PRR5: variants seen among roughly 807,000 people sequenced by gnomAD.
The protein encoded by PRR5 is proline-rich protein 5.
In PRR5, 25 loss-of-function variants were observed where a neutral mutation model predicts 30.6. The observed-to-expected ratio is 0.82, with a 90% CI of 0.60 to 1.14. The LOEUF (loss-of-function observed/expected upper bound fraction) is 1.14, where lower values mean the gene tolerates loss of function less well. Ranked by LOEUF, PRR5 falls within the 50% of genes most tolerant of loss-of-function variation. The pLI, the probability that PRR5 is intolerant of heterozygous loss-of-function variation, is 0.00. For missense variants in PRR5, 600 were observed against 547.1 expected (o/e 1.10, Z -0.96); for synonymous variants, 286 against 247.1 (o/e 1.16, Z -1.48).
At chr22:44,732,174 G>A (rs1282288933) in intron 5 of PRR5, 77 bp from the exon 6 acceptor site, 13 of 1,574,356 alleles carry the variant, frequency 8.3e-6, no homozygotes, top group Non-Finnish European at 1.7e-6. Flanking sequence ...TCCCCCTGTG[G>A]GGTCCCAGGA....
chr22:44,680,868 A>AAC (rs1924214386), intron 1 of PRR5, among the ~76,000 whole-genome samples: 1 of 152,102 alleles, frequency 6.6e-6, no homozygotes, highest in African/African-American at 2.4e-5. Context: ...GGGATTTGAG[A>AAC]ACCTGGGGCA....
upstream of PRR5, among the ~76,000 whole-genome samples, chr22:44,675,918 C>T (rs1923727739): frequency 6.6e-6 from 1 of 151,874 alleles, no homozygotes; most frequent in South Asian, 2.1e-4. Flanking sequence ...TCCTGATGTT[C>T]GGTTTCCCCC....
intron 1 of PRR5, among the ~76,000 whole-genome samples, chr22:44,711,270 A>G (rs1325228466): frequency 6.6e-6 from 1 of 152,278 alleles, no homozygotes; most frequent in South Asian, 2.1e-4. Flanking sequence ...CCCCAAAAAG[A>G]AGTAGCTAGC....
chr22:44,732,515 A>C (rs1368430652), intron 6 of PRR5, 124 bp downstream of exon 6: 4 of 1,396,800 alleles, frequency 2.9e-6, no homozygotes, highest in Non-Finnish European at 3.8e-6. Flanking sequence ...GCCCGATCAG[A>C]GGAGAAGCCT....
chr22:44,692,751 C>T (rs936979878), intron 1 of PRR5, among the ~76,000 whole-genome samples: 8 of 152,234 alleles, frequency 5.3e-5, no homozygotes, highest in African/African-American at 1.7e-4. Context: ...GAGTCCGTCC[C>T]GCTCTGCCGC....
At chr22:44,693,457 T>G (rs1925459234) in intron 1 of PRR5, among the ~76,000 whole-genome samples, 1 of 136,410 alleles carries the variant, frequency 7.3e-6, no homozygotes, top group Admixed American at 7.1e-5. Flanking sequence ...AGACCCTGTC[T>G]CAAAAAAAAA....
At chr22:44,689,981 G>A (rs1449339349) in intron 1 of PRR5, among the ~76,000 whole-genome samples, 3 of 152,194 alleles carry the variant, frequency 2.0e-5, no homozygotes, top group Non-Finnish European at 4.4e-5. Context: ...AAGGGAACAG[G>A]AGAAGGCACT....
chr22:44,707,633 G>A (rs1165231831), intron 1 of PRR5, among the ~76,000 whole-genome samples: 2 of 152,206 alleles, frequency 1.3e-5, no homozygotes, highest in Non-Finnish European at 2.9e-5. Flanking sequence ...AATGCCATGA[G>A]GGCACGTGGG....
chr22:44,730,050 G>A, intron 4 of PRR5: 1 of 985,460 alleles, frequency 1.0e-6, no homozygotes, highest in Non-Finnish European at 1.2e-6. Context: ...CTGGCCACTG[G>A]GCTGGGAGCC....
At chr22:44,672,030 G>C (rs1014570841) in intron 1 of PRR5, among the ~76,000 whole-genome samples, 15 of 152,330 alleles carry the variant, frequency 9.8e-5, no homozygotes, top group Admixed American at 7.2e-4. Context: ...GTAGTGTCGT[G>C]ATCCTGTGAT....
chr22:44,704,209 C>T (rs1016143701), intron 1 of PRR5, among the ~76,000 whole-genome samples: 5 of 152,216 alleles, frequency 3.3e-5, no homozygotes, highest in Non-Finnish European at 5.9e-5. Flanking sequence ...GGACCAGTGT[C>T]GGGGTGTCCC....
In PRR5 at chr22:44,732,346, T is replaced by C. The variant is rs1366366759; in HGVS notation, c.510T>C (p.His170=). The change falls in exon 6 of 8, where the codon CAT becomes CAC. Residue 170 remains histidine, a synonymous_variant. Coordinates refer to ENST00000336985, the MANE Select transcript of PRR5 (RefSeq NM_181333.4). ...VKLEDALARA[H]ARVPPAIVQM... is the part of the protein sequence containing the mutation. ...TAGAGGATGCGCTGGCCCGGGCCCA[T>C]GCCCGTGTGCCCCCTGCCATCGTGC... The C allele has an allele frequency of 6.2e-7, 1 of 1,611,714 alleles. No individual in the cohort carries two copies. Among genetic ancestry groups the C allele is most frequent in the South Asian group, 1.1e-5 (1 of 91,032 alleles).
intron 6 of PRR5, among the ~76,000 whole-genome samples, chr22:44,732,946 T>C (rs113725626): frequency 0.17 from 17,832 of 102,378 alleles, 2,427 homozygotes; most frequent in African/African-American, 0.35. Flanking sequence ...TACACACGTG[T>C]GCACACATAC....
Position 44,670,362 on chromosome 22 carries a change from G to A in PRR5, c.-11+1557G>A, listed in dbSNP as rs542391654. Among the ~76,000 whole-genome samples, 4 of 152,304 alleles carry A rather than the reference G, an allele frequency of 2.6e-5. No homozygotes were observed. In the South Asian group the frequency reaches 8.3e-4, roughly 32 times the overall value. ...TGGGGCGGGGATTGCTGTGAAGTCC[G>A]GCAGGCCTGAGTCAGGATCCCAGCT... On this transcript the variant is annotated intron_variant, in intron 1 of 8. Transcript: ENST00000432186.
intron 1 of PRR5, among the ~76,000 whole-genome samples, chr22:44,693,616 CT>C (rs1228023916): frequency 0.012 from 1,127 of 90,460 alleles, 6 homozygotes; most frequent in African/African-American, 0.024. Context: ...TTCACATGGA[CT>C]TTTTTTTTTT....
upstream of PRR5, chr22:44,702,129 GCCCCCGCCCCCTTCCCC>G: frequency 4.8e-6 from 1 of 208,392 alleles, no homozygotes; most frequent in Non-Finnish European, 8.7e-6. Flanking sequence ...CGCCCGCGAT[GCCCCCGCCCCCTTCCCC>G]GCCCCGCCCC....
At chr22:44,729,600 C>T (rs768849257) in intron 4 of PRR5, 40 of 985,344 alleles carry the variant, frequency 4.1e-5, no homozygotes, top group South Asian at 9.4e-5. Context: ...CCACTGAGTC[C>T]GCCTGGAGGA....
rs376756993 is a variant in PRR5, at chr22:44,735,116, C to G, written c.645C>G (p.Tyr215Ter). ...QKVVSPYLGTYGLHSSEGPFT... is the reference protein window; with the variant it reads ...QKVVSPYLGT ...TGGTGTCGCCATACCTGGGCACCTA[C>G]GGCCTCCACTCCAGCGAGGGGCCCT... Residue 215 changes from tyrosine to a stop codon, truncating the protein, a stop_gained, in exon 7 of 8, where the codon TAC becomes TAG. Transcript: ENST00000336985. LOFTEE classifies it low-confidence loss of function (END_TRUNC). 4.3e-6 allele frequency: 7 copies of G among 1,612,854 alleles called. No homozygotes were observed. Among genetic ancestry groups the G allele is most frequent in the Non-Finnish European group, 5.9e-6 (7 of 1,179,660 alleles).
upstream of PRR5, among the ~76,000 whole-genome samples, chr22:44,701,535 C>G (rs1926288174): frequency 6.6e-6 from 1 of 152,244 alleles, no homozygotes. Flanking sequence ...GCCCTGCCTT[C>G]ACTGGGATCA....
Sources: allele counts gnomAD v4.1 joint callset (sites outside exome capture counted in the v4.1 genomes callset), GRCh38; gene constraint gnomAD v4.1.1; transcripts MANE v1.5; gene names NCBI Gene and HGNC (gene_info 2026-07-23, HGNC 2026-07-21).